CRYBG3: variants seen among roughly 807,000 people sequenced by gnomAD.
CRYBG3 encodes the protein very large A-kinase anchor protein.
Under a neutral mutation model 244.2 loss-of-function variants are expected in CRYBG3, and 127 were observed. The ratio of observed to expected loss-of-function variants is 0.52; its 90% CI spans 0.45 to 0.60. CRYBG3 has a LOEUF of 0.60. CRYBG3 is among the 20% of genes least tolerant of loss of function. The probability of loss-of-function intolerance (pLI) is 0.00; values close to 1 mark genes in which losing one functional copy is unlikely to be tolerated. For missense variants in CRYBG3, 3,325 were observed against 3,442.5 expected (o/e 0.97, Z 0.85); for synonymous variants, 1,132 against 1,195.8 (o/e 0.95, Z 1.10).
In CRYBG3 at chr3:97,876,088, G is replaced by A; in HGVS notation, c.4894G>A (p.Gly1632Ser). 8.1e-7 allele frequency: 1 copy of A among 1,232,010 alleles called. No individual in the cohort carries two copies. The highest frequency in any genetic ancestry group is 3.1e-4 in the Middle Eastern group (1 of 3,206). 76.3% of individuals were successfully genotyped at this position (1,232,010 alleles called of 1,614,324 possible). A position where few individuals can be genotyped will look rare whatever the true frequency, so the allele number is the denominator to read the frequency against. ...GATGAAGGATACTGAAGGGGATATT[G>A]GCAAAATTGAGGTGATACCTATGAT... ...YKMKDTEGDI[G>S]KIEVIPMMPE... The change falls in exon 4 of 22, where the codon GGC (glycine) becomes AGC (serine). Residue 1632 changes from glycine (G) to serine (S), a missense_variant. Around this residue, in one of 4 missense-constraint regions of CRYBG3, gnomAD observed 635 missense variants for 771.7 expected, o/e 0.82. Transcript: ENST00000389622.
Position 97,872,603 on chromosome 3 carries a change from C to T in CRYBG3, c.1409C>T (p.Pro470Leu). The T allele has an allele frequency of 6.5e-7, 1 of 1,535,894 alleles. No individual in the cohort carries two copies. Among genetic ancestry groups the T allele is most frequent in the Non-Finnish European group, 8.7e-7 (1 of 1,146,810 alleles). Residue 470 changes from proline (P) to leucine (L), a missense_variant, in exon 4 of 22, where the codon CCA becomes CTA. Around this residue, in one of 4 missense-constraint regions of CRYBG3, gnomAD observed 1,526 missense variants for 1,443.2 expected, o/e 1.06. Transcript: ENST00000389622. ...ATTAGGCATGAACATCTGCAGTTGC[C>T]AGAGAGTGAGTGTTCTGACAAGCAA... ...KSIRHEHLQL[P>L]ESECSDKQTI...
chr3:97,900,585 GTC>G (rs916477224), intron 15 of CRYBG3, 100 bp downstream of exon 15: 4 of 750,286 alleles, frequency 5.3e-6, no homozygotes, highest in African/African-American at 5.3e-5. Flanking sequence ...ACTTTTATGT[GTC>G]TCTCTGGCAG....
At chr3:97,908,324 T>C (rs1268329737) in intron 15 of CRYBG3, among the ~76,000 whole-genome samples, 1 of 152,214 alleles carries the variant, frequency 6.6e-6, no homozygotes, top group African/African-American at 2.4e-5. Flanking sequence ...GTCTCGTTGA[T>C]CTGTCTAATG....
chr3:97,835,313 G>A (rs938498664), intron 1 of CRYBG3, among the ~76,000 whole-genome samples: 2 of 151,988 alleles, frequency 1.3e-5, no homozygotes, highest in African/African-American at 4.8e-5. Context: ...AATGGGGAGG[G>A]ACTCACCATA....
At chr3:97,862,588 A>C (rs1206117450) in intron 2 of CRYBG3, among the ~76,000 whole-genome samples, 1 of 152,194 alleles carries the variant, frequency 6.6e-6, no homozygotes, top group Non-Finnish European at 1.5e-5. Context: ...ACCATTTTCA[A>C]AATGTCAATT....
At chr3:97,841,109 A>G (rs1472063239) in intron 1 of CRYBG3, among the ~76,000 whole-genome samples, 1 of 151,574 alleles carries the variant, frequency 6.6e-6, no homozygotes, top group African/African-American at 2.4e-5. Flanking sequence ...ATTGTACAAT[A>G]TTTTCTATTG....
At position 97,822,093 on chromosome 3, in the gene CRYBG3, C is replaced by T; in HGVS notation, c.-114C>T. The T allele has an allele frequency of 1.2e-6, 1 of 851,172 alleles. No individual in the cohort carries two copies. Among genetic ancestry groups the T allele is most frequent in the Non-Finnish European group, 1.6e-6 (1 of 625,280 alleles). 52.7% of individuals were successfully genotyped at this position (851,172 alleles called of 1,614,324 possible). A position where few individuals can be genotyped will look rare whatever the true frequency, so the allele number is the denominator to read the frequency against. Reference sequence around the variant, plus strand: ...GAGACTGAGCCGCGCTGGCAGCTCGCGTCGAGTCGGTCTGCCCTAGCCGCA... The same window carrying T: ...GAGACTGAGCCGCGCTGGCAGCTCGTGTCGAGTCGGTCTGCCCTAGCCGCA... On this transcript the variant is annotated 5_prime_UTR_variant, in exon 1 of 22. Coordinates refer to ENST00000389622, the MANE Select transcript of CRYBG3 (RefSeq NM_153605.4).
chr3:97,873,199 T>C lies in CRYBG3; in HGVS notation c.2005T>C (p.Leu669=), dbSNP rs1280938235. Reference sequence around the variant, plus strand: ...TTCTGGAGTTGGGATGCTGAGCAAGTTGGATATTCCTGATTTAATGAATGA... The same window carrying C: ...TTCTGGAGTTGGGATGCTGAGCAAGCTGGATATTCCTGATTTAATGAATGA... ...FVSGVGMLSK[L]DIPDLMNEGS... is the part of the protein sequence containing the mutation. The change falls in exon 4 of 22, where the codon TTG becomes CTG. Residue 669 remains leucine, a synonymous_variant. Coordinates refer to ENST00000389622, the MANE Select transcript of CRYBG3 (RefSeq NM_153605.4). 6.5e-7 allele frequency: 1 copy of C among 1,535,910 alleles called. No individual in the cohort carries two copies. The highest frequency in any genetic ancestry group is 8.7e-7 in the Non-Finnish European group (1 of 1,146,796).
At chr3:97,848,979 G>A (rs1043841556) in intron 2 of CRYBG3, among the ~76,000 whole-genome samples, 8 of 152,162 alleles carry the variant, frequency 5.3e-5, no homozygotes, top group African/African-American at 1.9e-4. Context: ...CCTTGGAACA[G>A]TTTTGAAATT....
Position 97,875,560 on chromosome 3 carries a change from A to G in CRYBG3, c.4366A>G (p.Ile1456Val). 1.6e-6 allele frequency: 2 copies of G among 1,243,350 alleles called. No individual in the cohort carries two copies. The highest frequency in any genetic ancestry group is 2.0e-6 in the Non-Finnish European group (2 of 995,608). 77.0% of individuals were successfully genotyped at this position (1,243,350 alleles called of 1,614,324 possible). A position where few individuals can be genotyped will look rare whatever the true frequency, so the allele number is the denominator to read the frequency against. ...TGAGGACTGTAATGAGACAATGGAA[A>G]TAGAGAATGTGGATAATAACAAAAC... is the stretch of plus-strand genomic sequence containing the variant. ...RSEDCNETMEIENVDNNKTET... is the reference protein window; with the variant it reads ...RSEDCNETMEVENVDNNKTET... Residue 1456 changes from isoleucine (I) to valine (V), a missense_variant, in exon 4 of 22, where the codon ATA (isoleucine) becomes GTA (valine). Physicochemically the swap from Ile to Val is conservative, Grantham distance 29. Around this residue, in one of 4 missense-constraint regions of CRYBG3, gnomAD observed 635 missense variants for 771.7 expected, o/e 0.82. Coordinates refer to ENST00000389622, the MANE Select transcript of CRYBG3 (RefSeq NM_153605.4).
intron 1 of CRYBG3, among the ~76,000 whole-genome samples, chr3:97,828,631 A>G (rs1340907647): frequency 6.6e-6 from 1 of 151,884 alleles, no homozygotes; most frequent in Non-Finnish European, 1.5e-5. Context: ...ATTTGAGACC[A>G]GCCTGACCAA....
intron 1 of CRYBG3, among the ~76,000 whole-genome samples, chr3:97,838,377 A>C (rs894838389): frequency 2.0e-5 from 3 of 152,156 alleles, no homozygotes; most frequent in Admixed American, 6.5e-5. Flanking sequence ...AGCTAAAGAT[A>C]GAGAGGCTCT....
At chr3:97,931,934 C>T (rs2040102190) in intron 17 of CRYBG3, among the ~76,000 whole-genome samples, 1 of 152,024 alleles carries the variant, frequency 6.6e-6, no homozygotes, top group Non-Finnish European at 1.5e-5. Context: ...TGTTGTCAGA[C>T]AGATTGCCTG....
At chr3:97,896,152 A>T in intron 12 of CRYBG3, 67 bp downstream of exon 12, 5 of 1,404,496 alleles carry the variant, frequency 3.6e-6, no homozygotes, top group South Asian at 1.4e-5. Flanking sequence ...ATTGGACATG[A>T]CTCCTGATAG....
intron 1 of CRYBG3, among the ~76,000 whole-genome samples, chr3:97,840,499 G>A (rs1038793277): frequency 2.0e-5 from 3 of 151,994 alleles, no homozygotes; most frequent in Non-Finnish European, 4.4e-5. Context: ...AGTACTTAAT[G>A]TGCTGATTTA....
intron 2 of CRYBG3, among the ~76,000 whole-genome samples, chr3:97,843,539 C>T (rs998415891): frequency 3.3e-5 from 5 of 152,118 alleles, no homozygotes; most frequent in South Asian, 2.1e-4. Flanking sequence ...TTAACTTCTT[C>T]GTGTCTTTGC....
At chr3:97,868,283 C>CA (rs11429773) in intron 3 of CRYBG3, among the ~76,000 whole-genome samples, 57,850 of 116,744 alleles carry the variant, frequency 0.5, 13,383 homozygotes, top group East Asian at 0.68. Context: ...GACTCCATCT[C>CA]AAAAAAAAAA....
intron 2 of CRYBG3, among the ~76,000 whole-genome samples, chr3:97,861,026 T>G (rs1306100321): frequency 2.0e-5 from 3 of 151,826 alleles, no homozygotes; most frequent in Admixed American, 6.6e-5. Context: ...CCCTTTCTAT[T>G]CTCCATGTCC....
chr3:97,836,921 T>TC (rs1260227293), intron 1 of CRYBG3: 3 of 152,206 alleles, frequency 2.0e-5, no homozygotes, highest in East Asian at 1.9e-4. Flanking sequence ...CTGTTTTTTT[T>TC]CCCACTCATT....
Sources: gnomAD v4.1 joint callset for allele counts (sites outside exome capture counted in the v4.1 genomes callset) on GRCh38, gnomAD v4.1.1 for gene constraint, gnomAD v4.1.1 regional missense constraint, MANE v1.5 for transcripts, NCBI Gene and HGNC (gene_info 2026-07-23, HGNC 2026-07-21) for gene names.